The following NXPE2 variants were observed in gnomAD, a reference collection of about 807,000 sequenced individuals.
NXPE2 encodes NXPE family member 2.
A neutral mutation model predicts 34.4 loss-of-function variants in NXPE2; 34 were observed. That is an observed-to-expected ratio of 0.99 (90% CI 0.75 to 1.31). The LOEUF is 1.31. Ranked by LOEUF, NXPE2 falls within the 40% of genes most tolerant of loss-of-function variation. The pLI, the probability that NXPE2 is intolerant of heterozygous loss-of-function variation, is 0.00. For synonymous variants in NXPE2, 235 were observed against 231.3 expected, an observed-to-expected ratio of 1.02 and a Z score of -0.15; for missense variants, 649 against 672.5, an observed-to-expected ratio of 0.97 and a Z score of 0.39.
At chr11:114,583,391 T>A in the NXPE2 span, 16 of 627,896 alleles carry the variant, frequency 2.5e-5, no homozygotes, top group East Asian at 6.1e-4. Context: ...CAACTATGGT[T>A]TCTACTGAAA....
chr11:114,809,062 C>A, the NXPE2 span, among the ~76,000 whole-genome samples: 2 of 152,056 alleles, frequency 1.3e-5, no homozygotes, highest in Non-Finnish European at 2.9e-5. Context: ...TAAATGTAAC[C>A]CAGAATATAA....
chr11:114,785,054 A>C, the NXPE2 span, among the ~76,000 whole-genome samples: 4 of 152,054 alleles, frequency 2.6e-5, no homozygotes, highest in African/African-American at 9.7e-5. Flanking sequence ...GAAGAAAGTA[A>C]CAACAGTCTG....
At chr11:114,617,446 G>A in the NXPE2 span, among the ~76,000 whole-genome samples, 784 of 151,390 alleles carry the variant, frequency 5.2e-3, 5 homozygotes, top group African/African-American at 0.017. Flanking sequence ...GTATTGCCTC[G>A]TGGATAACCA....
At chr11:114,640,967 C>A in the NXPE2 span, among the ~76,000 whole-genome samples, 1 of 151,818 alleles carries the variant, frequency 6.6e-6, no homozygotes, top group African/African-American at 2.4e-5. Context: ...ACACATAGAG[C>A]AAGAATTAGA....
At chr11:114,609,446 C>T in the NXPE2 span, among the ~76,000 whole-genome samples, 1 of 151,802 alleles carries the variant, frequency 6.6e-6, no homozygotes. Flanking sequence ...TCTCTGGTAA[C>T]CACTGTTACC....
the NXPE2 span, among the ~76,000 whole-genome samples, chr11:114,580,531 C>G: frequency 3.3e-5 from 5 of 151,946 alleles, no homozygotes; most frequent in Non-Finnish European, 7.4e-5. Flanking sequence ...TGTGAATTTC[C>G]TAAATAATGT....
At chr11:114,780,152 C>T in the NXPE2 span, among the ~76,000 whole-genome samples, 1 of 152,216 alleles carries the variant, frequency 6.6e-6, no homozygotes, top group Non-Finnish European at 1.5e-5. Context: ...CTCAAAGTGT[C>T]TCCCAAATAG....
the NXPE2 span, among the ~76,000 whole-genome samples, chr11:114,769,290 T>C: frequency 6.7e-6 from 1 of 149,326 alleles, no homozygotes; most frequent in Non-Finnish European, 1.5e-5. Flanking sequence ...AGAATGGCAA[T>C]CATTAAGAAG....
chr11:114,540,714 G>A, the NXPE2 span, among the ~76,000 whole-genome samples: 386 of 152,130 alleles, frequency 2.5e-3, 4 homozygotes, highest in African/African-American at 9.1e-3. Context: ...AAGCAGGCAA[G>A]TTTTGGTGGG....
At chr11:114,511,106 G>A in the NXPE2 span, among the ~76,000 whole-genome samples, 11 of 152,212 alleles carry the variant, frequency 7.2e-5, no homozygotes, top group African/African-American at 1.9e-4. Context: ...CATTGTTGGC[G>A]ACCTACTCAG....
At chr11:114,582,427 G>A in the NXPE2 span, 1 of 1,614,114 alleles carries the variant, frequency 6.2e-7, no homozygotes, top group Non-Finnish European at 8.5e-7. Flanking sequence ...TCCAGGTACT[G>A]GCACAATTCA....
At chr11:114,618,668 G>A in the NXPE2 span, among the ~76,000 whole-genome samples, 165 of 152,148 alleles carry the variant, frequency 1.1e-3, no homozygotes, top group Middle Eastern at 0.01. Flanking sequence ...TGCCTCTTGC[G>A]TAACCAGTAT....
chr11:114,557,704 A>G, the NXPE2 span, among the ~76,000 whole-genome samples: 2 of 144,294 alleles, frequency 1.4e-5, no homozygotes, highest in Admixed American at 1.4e-4. Context: ...TTGTACATTT[A>G]GTTTCCTTCT....
At chr11:114,803,315 C>T in the NXPE2 span, among the ~76,000 whole-genome samples, 1 of 152,232 alleles carries the variant, frequency 6.6e-6, no homozygotes, top group South Asian at 2.1e-4. Context: ...ATGTGGATAG[C>T]ACATTTTATA....
At chr11:114,609,716 T>A in the NXPE2 span, among the ~76,000 whole-genome samples, 1 of 151,726 alleles carries the variant, frequency 6.6e-6, no homozygotes, top group South Asian at 2.1e-4. Flanking sequence ...ACCCGGTGGA[T>A]AATAAGTATT....
the NXPE2 span, chr11:114,522,637 AG>A: frequency 2.6e-6 from 2 of 769,692 alleles, no homozygotes; most frequent in Non-Finnish European, 2.0e-6. Flanking sequence ...TCTAGGGTAC[AG>A]TACCCCCAGT....
At chr11:114,547,124 A>C in the NXPE2 span, among the ~76,000 whole-genome samples, 1 of 152,288 alleles carries the variant, frequency 6.6e-6, no homozygotes, top group East Asian at 1.9e-4. Context: ...GAAAGAGTAC[A>C]GTAAAGAGCA....
At chr11:114,574,641 A>G in the NXPE2 span, among the ~76,000 whole-genome samples, 1 of 152,170 alleles carries the variant, frequency 6.6e-6, no homozygotes, top group Non-Finnish European at 1.5e-5. Flanking sequence ...CCTAGATTAA[A>G]CCAGGAAGAT....
chr11:114,675,635 G>A (rs1950850293), upstream of NXPE2, among the ~76,000 whole-genome samples: 1 of 151,806 alleles, frequency 6.6e-6, no homozygotes, highest in African/African-American at 2.4e-5. Flanking sequence ...CTGTGTTCAT[G>A]GATTAGAAAA....
Sources: allele counts gnomAD v4.1 joint callset (sites outside exome capture counted in the v4.1 genomes callset), GRCh38; gene constraint gnomAD v4.1.1; transcripts MANE v1.5; gene names NCBI Gene and HGNC (gene_info 2026-07-23, HGNC 2026-07-21).